Variants in KIAA1217 observed in about 807,000 individuals in gnomAD.
KIAA1217 encodes sickle tail protein homolog.
In KIAA1217, 88 loss-of-function variants were observed where a neutral mutation model predicts 163.9. That is an observed-to-expected ratio of 0.54 (90% confidence interval 0.45 to 0.64). The LOEUF (loss-of-function observed/expected upper bound fraction) is 0.64. Among genes scored for constraint, KIAA1217 ranks in the 30% least tolerant of loss-of-function variants. KIAA1217 has a pLI of 0.00. For synonymous variants in KIAA1217, 903 were observed against 923.1 expected, an observed-to-expected ratio of 0.98 and a Z score of 0.39; for missense variants, 2,372 against 2,475.0, an observed-to-expected ratio of 0.96 and a Z score of 0.88.
At chr10:23,970,323 G>A (rs1227669488) in intron 1 of KIAA1217, among the ~76,000 whole-genome samples, 1 of 152,164 alleles carries the variant, frequency 6.6e-6, no homozygotes, top group Non-Finnish European at 1.5e-5. Context: ...AAGAAGAAAA[G>A]TTTGTCATTT....
At chr10:24,210,800 T>C (rs987999967) in intron 1 of KIAA1217, among the ~76,000 whole-genome samples, 1 of 152,052 alleles carries the variant, frequency 6.6e-6, no homozygotes, top group African/African-American at 2.4e-5. Flanking sequence ...AAGGACCAAG[T>C]TTCAGGGGGT....
upstream of KIAA1217, among the ~76,000 whole-genome samples, chr10:24,205,232 G>T (rs1328797794): frequency 7.2e-6 from 1 of 138,684 alleles, no homozygotes; most frequent in Admixed American, 8.2e-5. Context: ...CAAGGTGGGC[G>T]AATTACCTGC....
intron 2 of KIAA1217, among the ~76,000 whole-genome samples, chr10:24,258,806 G>A (rs553527210): frequency 6.6e-6 from 1 of 152,110 alleles, no homozygotes; most frequent in South Asian, 2.1e-4. Context: ...TGTTAGCCAG[G>A]ATGGTCTCGA....
intron 2 of KIAA1217, among the ~76,000 whole-genome samples, chr10:24,355,843 G>T (rs1346789055): frequency 7.2e-6 from 1 of 139,194 alleles, no homozygotes; most frequent in Non-Finnish European, 1.5e-5. Context: ...CCACCTCCCG[G>T]GTTCAAGCCA....
Position 23,753,512 on chromosome 10 carries a change from C to T in KIAA1217, c.-321+58278C>T, listed in dbSNP as rs146555569. Among the ~76,000 whole-genome samples the T allele has an allele frequency of 2.0e-5, 3 of 152,242 alleles. No individual in the cohort carries two copies. The East Asian group carries it at 5.8e-4, about 29-fold the overall frequency. On this transcript the variant is annotated intron_variant, in intron 1 of 18. Transcript: ENST00000376462. ...TAATAGTTTTATAAGATTTAGGATG[C>T]AAGCTAGGAATTGAATTTGGAGCTC...
intron 1 of KIAA1217, among the ~76,000 whole-genome samples, chr10:24,004,137 G>A (rs1387770928): frequency 6.6e-6 from 1 of 151,768 alleles, no homozygotes; most frequent in Non-Finnish European, 1.5e-5. Flanking sequence ...ACACCACCAC[G>A]CCTGGCTAAT....
At position 24,518,356 on chromosome 10, in the gene KIAA1217, T is replaced by C. The variant is rs572214520; in HGVS notation, c.2178-1767T>C. On this transcript the variant is annotated intron_variant, in intron 10 of 20. Transcript: ENST00000376454. ...CATAAACGTTTGCATAGAAGTGATA[T>C]TGTTGTGTACAATTGTATCAATATA... is the stretch of plus-strand genomic sequence containing the variant. Among the ~76,000 whole-genome samples, 22 of 147,022 alleles carry C rather than the reference T, an allele frequency of 1.5e-4. No homozygotes were observed. The South Asian group carries it at 4.1e-3, about 27-fold the overall frequency.
chr10:24,440,705 C>T (rs568670559), intron 5 of KIAA1217, among the ~76,000 whole-genome samples: 72 of 152,322 alleles, frequency 4.7e-4, no homozygotes, highest in African/African-American at 1.7e-3. Context: ...TTTAAGCCCT[C>T]ATTTTGTGTG....
At chr10:24,313,933 G>C (rs984044657) in intron 2 of KIAA1217, among the ~76,000 whole-genome samples, 1 of 141,358 alleles carries the variant, frequency 7.1e-6, no homozygotes, top group Non-Finnish European at 1.5e-5. Flanking sequence ...TCCACCTCCC[G>C]GGCTCAAGTG....
intron 3 of KIAA1217, among the ~76,000 whole-genome samples, chr10:24,402,525 AAAC>A (rs1382582834): frequency 6.3e-5 from 8 of 127,990 alleles, no homozygotes; most frequent in East Asian, 3.4e-4. Flanking sequence ...ACAAAAAACA[AAAC>A]AAAAAAAAAA....
chr10:24,320,495 A>G (rs1348073832), intron 2 of KIAA1217, among the ~76,000 whole-genome samples: 1 of 152,184 alleles, frequency 6.6e-6, no homozygotes, highest in Non-Finnish European at 1.5e-5. Flanking sequence ...CTTTTTGGTT[A>G]GAGTATTATT....
chr10:24,118,533 C>T (rs2063152365), intron 2 of KIAA1217, among the ~76,000 whole-genome samples: 1 of 152,314 alleles, frequency 6.6e-6, no homozygotes, highest in Non-Finnish European at 1.5e-5. Flanking sequence ...GTTCATTTCT[C>T]TTCAGACATC....
At chr10:24,258,458 C>A in intron 2 of KIAA1217, among the ~76,000 whole-genome samples, 1 of 152,172 alleles carries the variant, frequency 6.6e-6, no homozygotes, top group East Asian at 1.9e-4. Context: ...CCCTGAGAAT[C>A]AGGGCTCATA....
intron 2 of KIAA1217, among the ~76,000 whole-genome samples, chr10:24,280,616 C>A (rs1363879073): frequency 6.6e-6 from 1 of 151,844 alleles, no homozygotes; most frequent in African/African-American, 2.4e-5. Flanking sequence ...TCGAGACCAT[C>A]CTGGCTAACA....
At chr10:24,393,901 G>A (rs1278338153) in intron 3 of KIAA1217, among the ~76,000 whole-genome samples, 4 of 152,130 alleles carry the variant, frequency 2.6e-5, no homozygotes, top group African/African-American at 9.7e-5. Flanking sequence ...AAATGAGTAC[G>A]GGGACTCCTG....
intron 2 of KIAA1217, among the ~76,000 whole-genome samples, chr10:24,364,542 C>T (rs1221130137): frequency 2.0e-5 from 3 of 152,110 alleles, no homozygotes; most frequent in East Asian, 3.9e-4. Flanking sequence ...GCCTAAAGTT[C>T]GTGAGCTTAT....
chr10:24,490,226 G>A (rs537469000), intron 6 of KIAA1217, among the ~76,000 whole-genome samples: 64 of 152,260 alleles, frequency 4.2e-4, no homozygotes, highest in Non-Finnish European at 7.8e-4. Context: ...AATGGTTTAC[G>A]AAATCATTTT....
intron 3 of KIAA1217, among the ~76,000 whole-genome samples, chr10:24,411,883 G>A (rs555683560): frequency 3.3e-5 from 5 of 151,974 alleles, no homozygotes; most frequent in African/African-American, 7.2e-5. Flanking sequence ...GACTAGATAC[G>A]ATCAGTAGGA....
At chr10:24,015,930 T>C (rs1847462415) in intron 2 of KIAA1217, among the ~76,000 whole-genome samples, 1 of 152,096 alleles carries the variant, frequency 6.6e-6, no homozygotes, top group Non-Finnish European at 1.5e-5. Flanking sequence ...CAGGATATGC[T>C]TTCTTGATTC....
Sources: allele counts gnomAD v4.1 joint callset (sites outside exome capture counted in the v4.1 genomes callset), GRCh38; gene constraint gnomAD v4.1.1; transcripts MANE v1.5; gene names NCBI Gene and HGNC (gene_info 2026-07-23, HGNC 2026-07-21).